The following DAAM1 variants were observed in gnomAD, a reference collection of about 807,000 sequenced individuals.
DAAM1 encodes the protein dishevelled associated activator of morphogenesis 1.
In DAAM1, 52 loss-of-function variants were observed where a neutral mutation model predicts 130.0. That is an observed-to-expected ratio of 0.40 (90% CI 0.32 to 0.50). DAAM1 has a LOEUF of 0.50. Among genes scored for constraint, DAAM1 ranks in the 20% least tolerant of loss-of-function variants. DAAM1 has a pLI of 0.61. For missense variants in DAAM1, 1,134 were observed against 1,303.8 expected (o/e 0.87, Z 2.01); for synonymous variants, 452 against 444.5 (o/e 1.02, Z -0.21).
At chr14:59,221,721 AC>A (rs1888778717) in intron 1 of DAAM1, among the ~76,000 whole-genome samples, 1 of 152,162 alleles carries the variant, frequency 6.6e-6, no homozygotes, top group Non-Finnish European at 1.5e-5. Flanking sequence ...TCCAGCCAAC[AC>A]TGTAACTCCT....
chr14:59,311,834 A>G (rs1331216179), intron 3 of DAAM1, among the ~76,000 whole-genome samples: 1 of 152,082 alleles, frequency 6.6e-6, no homozygotes, highest in Admixed American at 6.5e-5. Flanking sequence ...GGCTACAGGC[A>G]TGTGTCAACA....
At position 59,215,602 on chromosome 14, in the gene DAAM1, A is replaced by T. The variant is rs374670877; in HGVS notation, c.-38+26834A>T. Among the ~76,000 whole-genome samples the T allele has an allele frequency of 1.5e-4, 23 of 152,314 alleles. 1 individual carries two copies. The highest frequency in any genetic ancestry group is 8.5e-4 in the Admixed American group (13 of 15,298). On this transcript the variant is annotated intron_variant, in intron 1 of 24. Transcript: ENST00000360909. ...TGCATTTGCCCTGTCGGAGCTCAGGATAACAAGGCCTTTCATAATCCACCA... is the reference window on the plus strand; with the variant it reads ...TGCATTTGCCCTGTCGGAGCTCAGGTTAACAAGGCCTTTCATAATCCACCA...
intron 1 of DAAM1, among the ~76,000 whole-genome samples, chr14:59,208,802 C>G (rs1888342394): frequency 6.6e-6 from 1 of 152,024 alleles, no homozygotes; most frequent in African/African-American, 2.4e-5. Context: ...AGCACCATCC[C>G]CTTGGTGACG....
intron 1 of DAAM1, among the ~76,000 whole-genome samples, chr14:59,219,306 C>CT (rs888609810): frequency 1.3e-5 from 2 of 152,014 alleles, no homozygotes; most frequent in East Asian, 1.9e-4. Flanking sequence ...GGGGTTTTTT[C>CT]TTTTTTTTAA....
intron 23 of DAAM1, among the ~76,000 whole-genome samples, chr14:59,365,069 G>A (rs534771666): frequency 6.6e-6 from 1 of 150,436 alleles, no homozygotes; most frequent in East Asian, 1.9e-4. Context: ...TGAACTGGCT[G>A]TTGTCAGCTT....
At chr14:59,366,026 G>A (rs1009451892) in intron 23 of DAAM1, among the ~76,000 whole-genome samples, 1 of 151,698 alleles carries the variant, frequency 6.6e-6, no homozygotes, top group African/African-American at 2.4e-5. Context: ...ATATACTATT[G>A]TTACTGTATA....
chr14:59,220,347 A>G (rs566186523), intron 1 of DAAM1, among the ~76,000 whole-genome samples: 22 of 152,274 alleles, frequency 1.4e-4, no homozygotes, highest in South Asian at 2.1e-4. Flanking sequence ...AACATGCTCT[A>G]TGTTTGCTGA....
intron 1 of DAAM1, among the ~76,000 whole-genome samples, chr14:59,259,185 T>C (rs1429902775): frequency 6.6e-6 from 1 of 152,208 alleles, no homozygotes; most frequent in African/African-American, 2.4e-5. Context: ...TGATTGTACC[T>C]CTGTGTGCAA....
intron 1 of DAAM1, among the ~76,000 whole-genome samples, chr14:59,192,148 G>GT (rs1478324142): frequency 4.9e-5 from 6 of 121,550 alleles, no homozygotes; most frequent in East Asian, 2.3e-4. Flanking sequence ...GCTTGTTAAG[G>GT]GGTGTGTGTG....
intron 1 of DAAM1, among the ~76,000 whole-genome samples, chr14:59,214,115 C>A (rs2139416077): frequency 6.6e-6 from 1 of 152,342 alleles, no homozygotes; most frequent in Admixed American, 6.5e-5. Flanking sequence ...TTCCGAGGAT[C>A]TTTGCTTCAG....
intron 23 of DAAM1, among the ~76,000 whole-genome samples, chr14:59,366,226 T>TA (rs200408627): frequency 2.0e-5 from 3 of 151,716 alleles, no homozygotes; most frequent in South Asian, 4.2e-4. Flanking sequence ...CATATCTTTT[T>TA]AAAAAAAAAT....
intron 1 of DAAM1, among the ~76,000 whole-genome samples, chr14:59,202,549 A>G (rs1358138005): frequency 6.6e-6 from 1 of 152,212 alleles, no homozygotes; most frequent in Non-Finnish European, 1.5e-5. Context: ...TGTTGAGCGT[A>G]TACATTTCAG....
At chr14:59,330,804 T>C (rs1211331638) in intron 13 of DAAM1, 116 bp downstream of exon 13, 1 of 1,074,880 alleles carries the variant, frequency 9.3e-7, no homozygotes, top group African/African-American at 1.6e-5. Flanking sequence ...TGGCTCATGA[T>C]TCATCACAAT....
At chr14:59,269,991 A>T (rs17255514) in intron 2 of DAAM1, among the ~76,000 whole-genome samples, 10,194 of 152,292 alleles carry the variant, frequency 0.067, 433 homozygotes, top group Non-Finnish European at 0.098. Flanking sequence ...AATTCTTCCT[A>T]GAACCAGAGA....
intron 1 of DAAM1, among the ~76,000 whole-genome samples, chr14:59,204,960 C>T (rs867894713): frequency 1.1e-4 from 16 of 152,302 alleles, no homozygotes; most frequent in Non-Finnish European, 2.1e-4. Context: ...CTAAAATGAT[C>T]CCCCCATCAG....
At chr14:59,232,682 T>A (rs1889149724) in intron 1 of DAAM1, among the ~76,000 whole-genome samples, 1 of 151,812 alleles carries the variant, frequency 6.6e-6, no homozygotes, top group South Asian at 2.1e-4. Flanking sequence ...AATGTGCAGG[T>A]TTGTTACATA....
intron 23 of DAAM1, among the ~76,000 whole-genome samples, chr14:59,365,503 ACTC>A (rs1409832268): frequency 1.3e-5 from 2 of 152,156 alleles, no homozygotes; most frequent in African/African-American, 4.8e-5. Flanking sequence ...ATTGAAAACA[ACTC>A]CTCAGTGAAG....
intron 1 of DAAM1, among the ~76,000 whole-genome samples, chr14:59,257,640 T>C (rs1881966258): frequency 6.6e-6 from 1 of 152,144 alleles, no homozygotes; most frequent in Non-Finnish European, 1.5e-5. Context: ...TTGGGAGATG[T>C]GGGCCGGAAA....
At chr14:59,342,588 A>G (rs893806241) in intron 16 of DAAM1, among the ~76,000 whole-genome samples, 1 of 152,212 alleles carries the variant, frequency 6.6e-6, no homozygotes, top group Admixed American at 6.5e-5. Context: ...TCTCTTAGTC[A>G]CCACTTTGGA....
Sources: allele counts gnomAD v4.1 joint callset (sites outside exome capture counted in the v4.1 genomes callset), GRCh38; gene constraint gnomAD v4.1.1; transcripts MANE v1.5; gene names NCBI Gene and HGNC (gene_info 2026-07-23, HGNC 2026-07-21).